Variants in NPHS1 observed in about 807,000 individuals in gnomAD.
The protein encoded by NPHS1 is nephrin.
NPHS1 carries 107 observed loss-of-function variants against 139.7 expected under a neutral mutation model. The ratio of observed to expected loss-of-function variants is 0.77; its 90% CI spans 0.66 to 0.90. The LOEUF is 0.90. Among genes scored for constraint, NPHS1 ranks in the 40% least tolerant of loss-of-function variants. NPHS1 has a pLI of 0.00. For synonymous variants in NPHS1, 707 were observed against 706.6 expected (o/e 1.00, Z -0.01); for missense variants, 1,580 against 1,654.2 (o/e 0.96, Z 0.78).
At position 35,831,464 on chromosome 19, in the gene NPHS1, A is replaced by G. The variant is rs1972882877; in HGVS notation, c.3311+12T>C. On this transcript the variant is annotated intron_variant, in intron 25 of 28. Transcript: ENST00000378910. ...CTCAGAGCCTTCTTTACAGAAAAAT[A>G]TCCCCACTTACCCTGCCTCTGTCTT... is the stretch of plus-strand genomic sequence containing the variant. The G allele has an allele frequency of 1.2e-6, 2 of 1,613,750 alleles. No individual in the cohort carries two copies. The highest frequency in any genetic ancestry group is 1.3e-5 in the African/African-American group (1 of 74,900).
Position 35,848,972 on chromosome 19 carries a change from T to G in NPHS1, c.1012+4A>C, listed in dbSNP as rs1973187027. ...ACAGGGGGGCAGCTGGCACCAGGAC[T>G]CACAGGTGACCTGCAGTGTGATGCC... On this transcript the variant is annotated splice_donor_region_variant and intron_variant, in intron 8 of 28. Coordinates refer to ENST00000378910, the MANE Select transcript of NPHS1 (RefSeq NM_004646.4). 6.2e-7 allele frequency: 1 copy of G among 1,611,572 alleles called. No individual in the cohort carries two copies. The highest frequency in any genetic ancestry group is 1.3e-5 in the African/African-American group (1 of 74,890).
At position 35,830,347 on chromosome 19, in the gene NPHS1, C is replaced by T. The variant is rs76249952; in HGVS notation, c.3594+497G>A. Among the ~76,000 whole-genome samples the T allele has an allele frequency of 7.3e-3, 1,109 of 152,374 alleles. 12 individuals are homozygous for T. Among genetic ancestry groups the T allele is most frequent in the African/African-American group, 0.026 (1,070 of 41,596 alleles). ...ATGGGTTGAACCCCCAGTGAACTGGCTCATTCATGTAGACTCGGTTGACTT... is the reference window on the plus strand; with the variant it reads ...ATGGGTTGAACCCCCAGTGAACTGGTTCATTCATGTAGACTCGGTTGACTT... On this transcript the variant is annotated intron_variant, in intron 28 of 28. Transcript: ENST00000378910.
rs1425382291 is a variant in NPHS1, at chr19:35,851,483, T to C, written c.248A>G (p.Tyr83Cys). 6.2e-7 allele frequency: 1 copy of C among 1,613,572 alleles called. No homozygotes were observed. The highest frequency in any genetic ancestry group is 1.7e-5 in the Admixed American group (1 of 59,998). ...PDPRIPGFPR[Y>C]RLEGDPARGE... ...TCTAGCAGGGTCCCCTTCCAGGCGG[T>C]ACCTCGGGAAGCCTGGGATCCTGGG... Residue 83 changes from tyrosine (Y) to cysteine (C), a missense_variant, in exon 2 of 29, where the codon TAC (tyrosine) becomes TGC (cysteine). By Grantham distance (194) the Tyr-to-Cys change is radical. Coordinates refer to ENST00000378910, the MANE Select transcript of NPHS1 (RefSeq NM_004646.4).
Position 35,826,513 on chromosome 19 carries a change from C to G in NPHS1, c.*1G>C. The G allele has an allele frequency of 3.7e-6, 6 of 1,613,562 alleles. No individual in the cohort carries two copies. Among genetic ancestry groups the G allele is most frequent in the African/African-American group, 1.3e-5 (1 of 75,012 alleles). On this transcript the variant is annotated 3_prime_UTR_variant, in exon 29 of 29. Coordinates refer to ENST00000378910, the MANE Select transcript of NPHS1 (RefSeq NM_004646.4). ...GCAGGACAATGGGGTTGAGAGGGCT[C>G]TTACACCAGATGTCCCCTCAGCTCG...
intron 22 of NPHS1, among the ~76,000 whole-genome samples, chr19:35,837,026 AAAAGAAAG>A (rs201666209): frequency 0.15 from 20,301 of 131,720 alleles, 1,622 homozygotes; most frequent in South Asian, 0.23. Context: ...AAAAGAAAAG[AAAAGAAAG>A]AAAGAAAGAA....
chr19:35,840,604 G>T (rs1472126355), intron 20 of NPHS1, among the ~76,000 whole-genome samples: 2 of 151,984 alleles, frequency 1.3e-5, no homozygotes, highest in Admixed American at 6.6e-5. Flanking sequence ...AAAGTGCTGG[G>T]ATTACAGGTG....
Position 35,845,533 on chromosome 19 carries a change from C to T in NPHS1, c.1765G>A (p.Gly589Ser). ...GCTCTCCGGGGTGGGGCGGCCACGC[C>T]CTCCAGCCTGTGGAACCGGGGTCAA... ...SWDKEGERLEGVAAPPRRAPF... is the reference protein window; with the variant it reads ...SWDKEGERLESVAAPPRRAPF... The change falls in exon 14 of 29, where the codon GGC (glycine) becomes AGC (serine). Residue 589 changes from glycine (G) to serine (S), a missense_variant. Transcript: ENST00000378910. The surrounding 1 kb of genome is among the most constrained non-coding windows in gnomAD (Gnocchi z 5.5). The T allele has an allele frequency of 6.2e-7, 1 of 1,609,290 alleles. No homozygotes were observed. Among genetic ancestry groups the T allele is most frequent in the African/African-American group, 1.3e-5 (1 of 74,984 alleles).
intron 20 of NPHS1, 110 bp downstream of exon 20, chr19:35,841,605 A>G: frequency 1.5e-6 from 2 of 1,314,522 alleles, no homozygotes; most frequent in South Asian, 1.2e-5. Flanking sequence ...ATCCTCACAC[A>G]TACACAGAAC....
chr19:35,848,812 G>A lies in NPHS1; in HGVS notation c.1013-18C>T. On this transcript the variant is annotated intron_variant, in intron 8 of 28. Coordinates refer to ENST00000378910, the MANE Select transcript of NPHS1 (RefSeq NM_004646.4). Reference sequence around the variant, plus strand: ...AGGGGGAACTGCAGGGACAGAGAAGGAAGACACTAAGCTGGGCTGGATTTC... The same window carrying A: ...AGGGGGAACTGCAGGGACAGAGAAGAAAGACACTAAGCTGGGCTGGATTTC... 6.2e-7 allele frequency: 1 copy of A among 1,614,180 alleles called. No homozygotes were observed. The highest frequency in any genetic ancestry group is 1.1e-5 in the South Asian group (1 of 91,082).
At chr19:35,842,881 C>T (rs1204987035) in intron 17 of NPHS1, among the ~76,000 whole-genome samples, 1 of 152,122 alleles carries the variant, frequency 6.6e-6, no homozygotes, top group African/African-American at 2.4e-5. Flanking sequence ...CATTCCTCCA[C>T]CCATTTGTCT....
chr19:35,843,819 A>G, intron 16 of NPHS1: 2 of 659,422 alleles, frequency 3.0e-6, no homozygotes, highest in Non-Finnish European at 5.1e-6. Context: ...GTGGGCTTCC[A>G]GAATTGTGTG....
intron 23 of NPHS1, among the ~76,000 whole-genome samples, chr19:35,834,523 A>G (rs866761739): frequency 1.3e-5 from 2 of 152,206 alleles, no homozygotes; most frequent in South Asian, 2.1e-4. Context: ...ACATGGAGTG[A>G]GCTAATTCTT....
chr19:35,849,522 G>A (rs200826149), intron 6 of NPHS1, 28 bp downstream of exon 6: 93 of 1,598,152 alleles, frequency 5.8e-5, no homozygotes, highest in Admixed American at 3.2e-4. Flanking sequence ...CATCCTCAGC[G>A]CCCTAGTTGG....
Position 35,839,384 on chromosome 19 carries a change from C to T in NPHS1, c.2962G>A (p.Val988Met). The stretch of plus-strand genomic sequence containing the variant: ...GTGGCCTGGGGTGGTACGACATCCA[C>T]ATAGTGGAACCCTGGAGTCCCCAGG... ...EALGTPGFHY[V>M]DVVPPQATTF... Residue 988 changes from valine (V) to methionine (M), a missense_variant, in exon 22 of 29, where the codon GTG (valine) becomes ATG (methionine). Coordinates refer to ENST00000378910, the MANE Select transcript of NPHS1 (RefSeq NM_004646.4). The T allele has an allele frequency of 3.7e-6, 6 of 1,614,182 alleles. No individual in the cohort carries two copies. Among genetic ancestry groups the T allele is most frequent in the Non-Finnish European group, 5.1e-6 (6 of 1,180,018 alleles).
Position 35,851,247 on chromosome 19 carries a change from G to A in NPHS1, c.397+15C>T, listed in dbSNP as rs78237760. 3,914 of 1,613,896 alleles carry A rather than the reference G, an allele frequency of 2.4e-3. 83 individuals are homozygous for A. In the East Asian group the frequency reaches 0.061, roughly 25 times the overall value. On this transcript the variant is annotated intron_variant, in intron 3 of 28. Coordinates refer to ENST00000378910, the MANE Select transcript of NPHS1 (RefSeq NM_004646.4). ...AAGCCCAGACTCATGGGTCCTGGGC[G>A]TCTCTCACCCATACCCAGGATGGAG...
intron 11 of NPHS1, among the ~76,000 whole-genome samples, chr19:35,847,705 C>G (rs1973165490): frequency 6.6e-6 from 1 of 151,380 alleles, no homozygotes; most frequent in Non-Finnish European, 1.5e-5. Flanking sequence ...AAGTCTTTCC[C>G]TAAAATTCCT....
In NPHS1 at chr19:35,846,026, T is replaced by G; in HGVS notation, c.1609A>C (p.Thr537Pro). The G allele has an allele frequency of 6.4e-7, 1 of 1,557,702 alleles. No homozygotes were observed. Among genetic ancestry groups the G allele is most frequent in the Non-Finnish European group, 8.7e-7 (1 of 1,150,544 alleles). ...TCKAGQLSASTQLAVQFPPTN... is the reference protein window; with the variant it reads ...TCKAGQLSASPQLAVQFPPTN... The stretch of plus-strand genomic sequence containing the variant: ...CCCTCACACTGCACCGCCAGCTGCG[T>G]GGACGCGCTGAGCTGTCCAGCCTTG... The change falls in exon 12 of 29, where the codon ACG (threonine) becomes CCG (proline). Residue 537 changes from threonine (T) to proline (P), a missense_variant. Coordinates refer to ENST00000378910, the MANE Select transcript of NPHS1 (RefSeq NM_004646.4).
At chr19:35,830,150 G>T (rs915847108) in intron 28 of NPHS1, among the ~76,000 whole-genome samples, 1 of 152,182 alleles carries the variant, frequency 6.6e-6, no homozygotes, top group Non-Finnish European at 1.5e-5. Context: ...CAGAATTGCA[G>T]CAAGGCACAT....
At position 35,839,281 on chromosome 19, in the gene NPHS1, C is replaced by G. The variant is rs1302930277; in HGVS notation, c.3065G>C (p.Ser1022Thr). 1 of 1,614,234 alleles carries G rather than the reference C, an allele frequency of 6.2e-7. No homozygotes were observed. The highest frequency in any genetic ancestry group is 2.2e-5 in the East Asian group (1 of 44,892). Residue 1022 changes from serine to threonine, a missense_variant, in exon 22 of 29, where the codon AGT becomes ACT. Physicochemically the swap from Ser to Thr is moderately conservative, Grantham distance 58. Transcript: ENST00000378910. Reference sequence around the variant, plus strand: ...CTGGGTCCCTTTGTCAGCCAGTCCACTGTCCCCCAAGGCATTACTGGCCAG... The same window carrying G: ...CTGGGTCCCTTTGTCAGCCAGTCCAGTGTCCCCCAAGGCATTACTGGCCAG... ...WLLASNALGD[S>T]GLADKGTQLP...
Sources: allele counts gnomAD v4.1 joint callset (sites outside exome capture counted in the v4.1 genomes callset), GRCh38; gene constraint gnomAD v4.1.1; non-coding constraint Gnocchi (gnomAD v3.1); transcripts MANE v1.5; gene names NCBI Gene and HGNC (gene_info 2026-07-23, HGNC 2026-07-21).